SLC41A3: variants seen among roughly 807,000 people sequenced by gnomAD.
SLC41A3 encodes SLC41A1-like 2.
A neutral mutation model predicts 45.4 loss-of-function variants in SLC41A3; 44 were observed. The ratio of observed to expected loss-of-function variants is 0.97; its 90% CI spans 0.76 to 1.25. The LOEUF (loss-of-function observed/expected upper bound fraction) is 1.25. Ranked by LOEUF, SLC41A3 falls within the 50% of genes most tolerant of loss-of-function variation. The probability of loss-of-function intolerance (pLI) is 0.00; values close to 1 mark genes in which losing one functional copy is unlikely to be tolerated. For missense variants in SLC41A3, 550 were observed against 600.6 expected (o/e 0.92, Z 0.88); for synonymous variants, 256 against 252.4 (o/e 1.01, Z -0.13).
intron 5 of SLC41A3, chr3:126,023,227 C>T: frequency 3.2e-6 from 1 of 312,668 alleles, no homozygotes; most frequent in South Asian, 6.4e-5. Context: ...TCCCAAATCA[C>T]CAGGAACCAC....
In SLC41A3 at chr3:126,026,449, C is replaced by T; in HGVS notation, c.484G>A (p.Ala162Thr). ...ACGCCCAACAGCAGCGCAGCCACAG[C>T]AGCCAAGAGCCCCACGACAGTGGCC... ...VQATVVGLLA[A>T]VAALLLGVVS... is the part of the protein sequence containing the mutation. The change falls in exon 5 of 11, where the codon GCT becomes ACT. Residue 162 changes from alanine (A) to threonine (T), a missense_variant. Physicochemically the swap from Ala to Thr is moderately conservative, Grantham distance 58. Coordinates refer to ENST00000360370, the MANE Select transcript of SLC41A3 (RefSeq NM_017836.4). The surrounding 1 kb of genome is among the most constrained non-coding windows in gnomAD (Gnocchi z 4.2). 1 of 1,603,670 alleles carries T rather than the reference C, an allele frequency of 6.2e-7. No homozygotes were observed. Among genetic ancestry groups the T allele is most frequent in the African/African-American group, 1.3e-5 (1 of 74,892 alleles).
intron 3 of SLC41A3, among the ~76,000 whole-genome samples, chr3:126,046,640 A>G (rs1031181338): frequency 2.6e-5 from 4 of 152,200 alleles, no homozygotes; most frequent in Non-Finnish European, 5.9e-5. Flanking sequence ...TACCATATCC[A>G]TGGACTGGAA....
intron 1 of SLC41A3, among the ~76,000 whole-genome samples, chr3:126,073,472 A>G (rs1248461122): frequency 1.3e-5 from 2 of 151,918 alleles, no homozygotes; most frequent in Admixed American, 1.3e-4. Flanking sequence ...AATCCAAAAA[A>G]CTACTTATTA....
intron 2 of SLC41A3, among the ~76,000 whole-genome samples, chr3:126,066,196 TC>T (rs1330173034): frequency 2.3e-4 from 35 of 152,312 alleles, no homozygotes; most frequent in African/African-American, 8.4e-4. Flanking sequence ...GATGGAGATG[TC>T]CACATGGAGA....
At chr3:126,083,468 G>A (rs1945267792) in intron 1 of SLC41A3, among the ~76,000 whole-genome samples, 1 of 151,634 alleles carries the variant, frequency 6.6e-6, no homozygotes, top group African/African-American at 2.4e-5. Context: ...CCTGGATGGA[G>A]AGAGTGTGGG....
intron 1 of SLC41A3, among the ~76,000 whole-genome samples, chr3:126,099,409 G>T (rs1945665547): frequency 6.6e-6 from 1 of 152,194 alleles, no homozygotes; most frequent in South Asian, 2.1e-4. Flanking sequence ...TTCATTAGAG[G>T]ATTTAAAGAG....
intron 2 of SLC41A3, chr3:126,056,612 C>T (rs780353960): frequency 2.2e-5 from 35 of 1,557,964 alleles, no homozygotes; most frequent in Middle Eastern, 2.2e-4. Context: ...TGCTCCAGTC[C>T]TCTCCTCCTG....
At chr3:126,031,162 A>G (rs1279937994) in intron 4 of SLC41A3, among the ~76,000 whole-genome samples, 1 of 152,246 alleles carries the variant, frequency 6.6e-6, no homozygotes, top group African/African-American at 2.4e-5. Flanking sequence ...GAATTCAAAA[A>G]GTAGTTTAGA....
chr3:126,014,238 G>A (rs883207), intron 8 of SLC41A3, among the ~76,000 whole-genome samples: 1 of 151,720 alleles, frequency 6.6e-6, no homozygotes, highest in East Asian at 1.9e-4. Flanking sequence ...CGATCTATTC[G>A]GCTTGGCCCA....
At chr3:126,012,383 T>C (rs1452747279) in intron 9 of SLC41A3, among the ~76,000 whole-genome samples, 1 of 152,202 alleles carries the variant, frequency 6.6e-6, no homozygotes, top group African/African-American at 2.4e-5. Flanking sequence ...TCTCCCTGTT[T>C]CACCACTAAC....
At chr3:126,059,310 G>GAGAAA (rs1553740822) in intron 2 of SLC41A3, among the ~76,000 whole-genome samples, 2 of 88,072 alleles carry the variant, frequency 2.3e-5, no homozygotes, top group African/African-American at 8.9e-5. Flanking sequence ...AAGAAAGAAA[G>GAGAAA]GAAGGATGAT....
At chr3:126,007,631 C>A (rs1939237964) in intron 10 of SLC41A3, among the ~76,000 whole-genome samples, 1 of 152,194 alleles carries the variant, frequency 6.6e-6, no homozygotes, top group Non-Finnish European at 1.5e-5. Context: ...GGGTAGTCCA[C>A]ACAAGCCTGC....
chr3:126,027,405 T>C (rs1484211204), intron 4 of SLC41A3, among the ~76,000 whole-genome samples: 3 of 152,182 alleles, frequency 2.0e-5, no homozygotes, highest in African/African-American at 2.4e-5. Context: ...CCCCCCATGC[T>C]TGTAAGTTTC....
chr3:126,012,529 T>G (rs1235207560), intron 9 of SLC41A3, 86 bp downstream of exon 9: 1 of 1,561,260 alleles, frequency 6.4e-7, no homozygotes, highest in African/African-American at 1.4e-5. Flanking sequence ...AGGCATCCAT[T>G]GCTACAAACA....
chr3:126,055,077 G>A (rs2107921515), intron 2 of SLC41A3, among the ~76,000 whole-genome samples: 1 of 152,278 alleles, frequency 6.6e-6, no homozygotes, highest in East Asian at 1.9e-4. Flanking sequence ...GGTACAGACT[G>A]CCCCTCTCCA....
Position 126,026,406 on chromosome 3 carries a change from A to C in SLC41A3, c.527T>G (p.Val176Gly). 1 of 1,593,450 alleles carries C rather than the reference A, an allele frequency of 6.3e-7. No individual in the cohort carries two copies. The highest frequency in any genetic ancestry group is 2.3e-5 in the East Asian group (1 of 44,018). Residue 176 changes from valine to glycine, a missense_variant, in exon 5 of 11, where the codon GTG becomes GGG. Coordinates refer to ENST00000360370, the MANE Select transcript of SLC41A3 (RefSeq NM_017836.4). This position sits in a 1 kb window ranked among gnomAD's most constrained non-coding sequence, Gnocchi z 4.2. ...LLLGVVSREE[V>G]DVAKVELLCA... ...CAGCAACTCCACCTTGGCGACATCCACTTCCTCTCGAGACACCACGCCCAA... is the reference window on the plus strand; with the variant it reads ...CAGCAACTCCACCTTGGCGACATCCCCTTCCTCTCGAGACACCACGCCCAA...
At chr3:126,070,251 C>T (rs1212896583) in intron 1 of SLC41A3, 1 of 152,256 alleles carries the variant, frequency 6.6e-6, no homozygotes, top group Non-Finnish European at 1.5e-5. Flanking sequence ...AACTGGGCCA[C>T]ACAGCAGAAG....
At position 126,033,697 on chromosome 3, in the gene SLC41A3, G is replaced by A. The variant is rs768534565; in HGVS notation, c.382-19C>T. 8.7e-6 allele frequency: 14 copies of A among 1,610,166 alleles called. No homozygotes were observed. In the South Asian group the frequency reaches 8.9e-5, roughly 10 times the overall value. Reference sequence around the variant, plus strand: ...TGTTGGCCTAGAATGAAGAGAAAAGGACAAAGGTAGGACTGGCTAGGCCCA... The same window carrying A: ...TGTTGGCCTAGAATGAAGAGAAAAGAACAAAGGTAGGACTGGCTAGGCCCA... On this transcript the variant is annotated intron_variant, in intron 3 of 10. Transcript: ENST00000360370.
Position 126,068,276 on chromosome 3 carries a change from C to T in SLC41A3, c.-27-30G>A. 3 of 1,469,602 alleles carry T rather than the reference C, an allele frequency of 2.0e-6. No homozygotes were observed. The South Asian group carries it at 4.5e-5, about 22-fold the overall frequency. 91.0% of individuals were successfully genotyped at this position (1,469,602 alleles called of 1,614,324 possible). On this transcript the variant is annotated intron_variant, in intron 1 of 10. Coordinates refer to ENST00000360370, the MANE Select transcript of SLC41A3 (RefSeq NM_017836.4). ...AGTGGGAGACACAAAGTTGTAGGGC[C>T]AAGTTCCTGATTCCCATGGCGCTAA...
Sources: allele counts gnomAD v4.1 joint callset (sites outside exome capture counted in the v4.1 genomes callset), GRCh38; gene constraint gnomAD v4.1.1; non-coding constraint Gnocchi (gnomAD v3.1); transcripts MANE v1.5; gene names NCBI Gene and HGNC (gene_info 2026-07-23, HGNC 2026-07-21).